The following PEX11A variants were observed in gnomAD, a reference collection of about 807,000 sequenced individuals.
PEX11A encodes the protein peroxisomal biogenesis factor 11 alpha, also known as peroxisomal membrane protein 11A.
PEX11A carries 13 observed loss-of-function variants against 14.4 expected under a neutral mutation model. That is an observed-to-expected ratio of 0.90 (90% CI 0.59 to 1.43). The LOEUF is 1.43. Among genes scored for constraint, PEX11A ranks in the 40% most tolerant of loss-of-function variants. The probability of loss-of-function intolerance (pLI) is 0.00; values close to 1 mark genes in which losing one functional copy is unlikely to be tolerated. For synonymous variants in PEX11A, 101 were observed against 113.0 expected, an observed-to-expected ratio of 0.89 and a Z score of 0.67; for missense variants, 290 against 302.8, an observed-to-expected ratio of 0.96 and a Z score of 0.31.
At chr15:89,689,484 C>T (rs565461625) in intron 1 of PEX11A, among the ~76,000 whole-genome samples, 1 of 152,182 alleles carries the variant, frequency 6.6e-6, no homozygotes. Context: ...AAAACTGCAA[C>T]TGTAAATATT....
chr15:89,689,761 A>G (rs1964770001), intron 1 of PEX11A, among the ~76,000 whole-genome samples: 1 of 152,224 alleles, frequency 6.6e-6, no homozygotes, highest in African/African-American at 2.4e-5. Context: ...TTACAAAACT[A>G]TTCCACATGC....
At chr15:89,689,050 C>A (rs1329374171) in intron 1 of PEX11A, among the ~76,000 whole-genome samples, 1 of 152,122 alleles carries the variant, frequency 6.6e-6, no homozygotes, top group Non-Finnish European at 1.5e-5. Flanking sequence ...CCTTGATAAA[C>A]CCTGCAGGGT....
chr15:89,685,203 CAAAAAAA>C (rs869275308), intron 2 of PEX11A, among the ~76,000 whole-genome samples: 20 of 24,528 alleles, frequency 8.2e-4, no homozygotes, highest in Non-Finnish European at 1.1e-3. Flanking sequence ...GACTCCATCT[CAAAAAAA>C]AAAAAAAAAA....
At chr15:89,688,239 G>A (rs1837774) in intron 1 of PEX11A, 100,398 of 529,378 alleles carry the variant, frequency 0.19, 10,671 homozygotes, top group Middle Eastern at 0.27. Flanking sequence ...TTTTAGGAAT[G>A]TTCACCGTGT....
intron 2 of PEX11A, among the ~76,000 whole-genome samples, chr15:89,684,539 C>G (rs1013729561): frequency 6.6e-6 from 1 of 152,200 alleles, no homozygotes; most frequent in Non-Finnish European, 1.5e-5. Flanking sequence ...AGACAAAAGA[C>G]TGTCTTTTTA....
intron 1 of PEX11A, among the ~76,000 whole-genome samples, chr15:89,688,473 AACTCCGCCTCCCGGAT>A (rs901525549): frequency 6.6e-6 from 1 of 151,474 alleles, no homozygotes; most frequent in African/African-American, 2.4e-5. Flanking sequence ...GCTCTCTGCA[AACTCCGCCTCCCGGAT>A]TCAAGCGATT....
chr15:89,686,041 G>A (rs1257479976), intron 2 of PEX11A, among the ~76,000 whole-genome samples: 1 of 152,140 alleles, frequency 6.6e-6, no homozygotes, highest in African/African-American at 2.4e-5. Context: ...CCTCAATAAA[G>A]GAAAAAGGCA....
intron 1 of PEX11A, among the ~76,000 whole-genome samples, chr15:89,688,486 G>A (rs1001138726): frequency 2.6e-5 from 4 of 151,884 alleles, no homozygotes; most frequent in Admixed American, 1.3e-4. Flanking sequence ...TCCGCCTCCC[G>A]GATTCAAGCG....
At chr15:89,687,004 ACCT>A (rs1302429040) in intron 1 of PEX11A, among the ~76,000 whole-genome samples, 1 of 151,772 alleles carries the variant, frequency 6.6e-6, no homozygotes. Flanking sequence ...CTCCACTGCA[ACCT>A]CTGCCTCCCT....
Position 89,686,486 on chromosome 15 carries a change from C to A in PEX11A, c.117G>T (p.Glu39Asp), listed in dbSNP as rs1298204471. Reference sequence around the variant, plus strand: ...GTTTCTTGAGCTTCATTACCACCTTCTCTTTGCCAGCTTTGGGCTCTAACA... The same window carrying A: ...GTTTCTTGAGCTTCATTACCACCTTATCTTTGCCAGCTTTGGGCTCTAACA... ...RYLLEPKAGKEKVVMKLKKLE... is the reference protein window; with the variant it reads ...RYLLEPKAGKDKVVMKLKKLE... The change falls in exon 2 of 3, where the codon GAG becomes GAT. Residue 39 changes from glutamate to aspartate, a missense_variant. Glu to Asp is a conservative substitution (Grantham distance 45). Coordinates refer to ENST00000300056, the MANE Select transcript of PEX11A (RefSeq NM_003847.3). 1 of 1,608,984 alleles carries A rather than the reference C, an allele frequency of 6.2e-7. No homozygotes were observed. The highest frequency in any genetic ancestry group is 8.5e-7 in the Non-Finnish European group (1 of 1,175,480).
intron 1 of PEX11A, among the ~76,000 whole-genome samples, chr15:89,690,145 T>C (rs920444367): frequency 6.6e-6 from 1 of 152,050 alleles, no homozygotes; most frequent in South Asian, 2.1e-4. Context: ...AAAAGAGAGA[T>C]ATTTGAAGTC....
At chr15:89,690,554 G>T (rs1037401049) in intron 1 of PEX11A, 23 bp downstream of exon 1, 13 of 1,545,850 alleles carry the variant, frequency 8.4e-6, no homozygotes, top group Non-Finnish European at 1.1e-5. Context: ...GAAAGGGGCG[G>T]AGGCCGCTGG....
rs2141548201 is a variant in PEX11A at position 89,683,809 on chromosome 15, C to T, written c.312G>A (p.Trp104Ter). 6.2e-7 allele frequency: 1 copy of T among 1,613,938 alleles called. No individual in the cohort carries two copies. The highest frequency in any genetic ancestry group is 1.1e-5 in the South Asian group (1 of 91,072). Reference sequence around the variant, plus strand: ...CAGAGGTGAGACCTACGCTCCTCACCCAGAGGATGGTGTCACAGATGAAAT... The same window carrying T: ...CAGAGGTGAGACCTACGCTCCTCACTCAGAGGATGGTGTCACAGATGAAAT... ...VIYFICDTIL[W>*]VRSVGLTSGI... Residue 104 changes from tryptophan (W) to a stop codon, truncating the protein, a stop_gained, in exon 3 of 3, where the codon TGG (tryptophan) becomes TGA (stop). Coordinates refer to ENST00000300056, the MANE Select transcript of PEX11A (RefSeq NM_003847.3). LOFTEE classifies it low-confidence loss of function (END_TRUNC).
chr15:89,686,111 A>G (rs770817236), intron 2 of PEX11A, among the ~76,000 whole-genome samples: 2 of 152,236 alleles, frequency 1.3e-5, no homozygotes. Flanking sequence ...ACAGGAGCAG[A>G]AGCTCATGTC....
In PEX11A at chr15:89,686,485, TC is replaced by T. The variant is rs763998998; in HGVS notation, c.117del (p.Lys40ArgfsTer3). ...AGTTTCTTGAGCTTCATTACCACCT[TC>T]TCTTTGCCAGCTTTGGGCTCTAACA... ...RYLLEPKAGKEKVVMKLKKLE... is the reference protein window; with the variant it reads ...RYLLEPKAGKXKVVMKLKKLE... On this transcript the variant is annotated frameshift_variant, in exon 2 of 3. Transcript: ENST00000300056. LOFTEE classifies it high-confidence loss of function. 1.2e-5 allele frequency: 19 copies of T among 1,608,800 alleles called. No individual in the cohort carries two copies. The highest frequency in any genetic ancestry group is 1.4e-5 in the Non-Finnish European group (17 of 1,175,204).
intron 2 of PEX11A, 33 bp downstream of exon 2, chr15:89,686,398 G>T: frequency 1.1e-6 from 1 of 912,658 alleles, no homozygotes; most frequent in Non-Finnish European, 1.8e-6. Context: ...TCTAAACCAG[G>T]AGTCACTGTC....
intron 1 of PEX11A, among the ~76,000 whole-genome samples, chr15:89,689,914 T>C (rs4932245): frequency 0.52 from 78,956 of 152,092 alleles, 21,943 homozygotes; most frequent in Non-Finnish European, 0.64. Context: ...ACAGATCACC[T>C]GAGGTCAGGA....
Position 89,690,734 on chromosome 15 carries a change from G to C in PEX11A, c.-102C>G, listed in dbSNP as rs867464790. The stretch of plus-strand genomic sequence containing the variant: ...CGGTCAGTCCCAGGTTATCCGCTGA[G>C]GGGGAGGGGCTGAGTCTCTCCGCCC... On this transcript the variant is annotated 5_prime_UTR_variant, in exon 1 of 3. Transcript: ENST00000300056. 39 of 806,490 alleles carry C rather than the reference G, an allele frequency of 4.8e-5. 1 individual carries two copies. In the Middle Eastern group the frequency reaches 1.4e-3, roughly 29 times the overall value. 50.0% of individuals were successfully genotyped at this position (806,490 alleles called of 1,614,324 possible).
intron 1 of PEX11A, among the ~76,000 whole-genome samples, chr15:89,688,957 G>A (rs192995544): frequency 9.2e-5 from 14 of 151,916 alleles, no homozygotes; most frequent in Admixed American, 5.9e-4. Context: ...TTTGTGATCC[G>A]CCCACCTCAG....
Sources: gnomAD v4.1 joint callset for allele counts (sites outside exome capture counted in the v4.1 genomes callset) on GRCh38, gnomAD v4.1.1 for gene constraint, MANE v1.5 for transcripts, NCBI Gene and HGNC (gene_info 2026-07-23, HGNC 2026-07-21) for gene names.